Variants in LIPE observed in about 807,000 individuals in gnomAD.
LIPE encodes the protein hormone-sensitive lipase.
A neutral mutation model predicts 88.5 loss-of-function variants in LIPE; 66 were observed. The observed-to-expected ratio is 0.75, with a 90% CI of 0.61 to 0.91. The LOEUF is 0.91. LIPE is among the 40% of genes least tolerant of loss of function. The probability of loss-of-function intolerance (pLI) is 0.00; values close to 1 mark genes in which losing one functional copy is unlikely to be tolerated. For synonymous variants in LIPE, 570 were observed against 617.5 expected, an observed-to-expected ratio of 0.92 and a Z score of 1.14; for missense variants, 1,346 against 1,434.7, an observed-to-expected ratio of 0.94 and a Z score of 1.00.
intron 1 of LIPE, chr19:42,425,147 A>G (rs771196168): frequency 1.2e-5 from 2 of 171,290 alleles, no homozygotes; most frequent in South Asian, 2.5e-4. Flanking sequence ...GACCTGGTAA[A>G]CTGAGAGACT....
In LIPE at chr19:42,401,761, GC is replaced by G; in HGVS notation, c.*50del. On this transcript the variant is annotated 3_prime_UTR_variant, in exon 10 of 10. Coordinates refer to ENST00000244289, the MANE Select transcript of LIPE (RefSeq NM_005357.4). ...CACAGCCCGCGTCCCCTTCCGCCCGGCCCGGAAGGCATTCATGACGGAGGCC... is the reference window on the plus strand; with the variant it reads ...CACAGCCCGCGTCCCCTTCCGCCCGGCCGGAAGGCATTCATGACGGAGGCC... 8.9e-7 allele frequency: 1 copy of G among 1,127,080 alleles called. No individual in the cohort carries two copies. 69.8% of individuals were successfully genotyped at this position (1,127,080 alleles called of 1,614,324 possible). A position where few individuals can be genotyped will look rare whatever the true frequency, so the allele number is the denominator to read the frequency against.
rs781226461 is a variant in LIPE at position 42,408,125 on chromosome 19, G to A, written c.1511-4C>T. The A allele has an allele frequency of 1.9e-6, 3 of 1,613,850 alleles. No homozygotes were observed. Among genetic ancestry groups the A allele is most frequent in the Admixed American group, 3.3e-5 (2 of 60,004 alleles). On this transcript the variant is annotated splice_polypyrimidine_tract_variant and splice_region_variant and intron_variant, in intron 3 of 9. Transcript: ENST00000244289. This position sits in a 1 kb window ranked among gnomAD's most constrained non-coding sequence, Gnocchi z 4.3. ...AAGAGAGAGCTGGCGGCCACACCTA[G>A]GGGTCAGAAGGGGTGTCAGGGAGCC...
At chr19:42,413,783 C>T (rs2040433415) in intron 1 of LIPE, among the ~76,000 whole-genome samples, 1 of 152,242 alleles carries the variant, frequency 6.6e-6, no homozygotes, top group Non-Finnish European at 1.5e-5. Context: ...TGTCATCCCC[C>T]AGGTGGCCCT....
At chr19:42,412,831 C>T (rs573245712) in intron 1 of LIPE, among the ~76,000 whole-genome samples, 1 of 152,352 alleles carries the variant, frequency 6.6e-6, no homozygotes, top group Non-Finnish European at 1.5e-5. Flanking sequence ...TAGTCTGGCC[C>T]TGGCACAGCC....
In LIPE at chr19:42,426,342, C is replaced by T; in HGVS notation, c.808G>A (p.Val270Met). 1 of 1,613,936 alleles carries T rather than the reference C, an allele frequency of 6.2e-7. No individual in the cohort carries two copies. Among genetic ancestry groups the T allele is most frequent in the South Asian group, 1.1e-5 (1 of 91,076 alleles). Reference protein sequence around the residue: ...LGFKGKSGYKVMSGYSGTSPH... With the variant: ...LGFKGKSGYKMMSGYSGTSPH... ...GACGTCCCACTGTATCCTGACATCA[C>T]TTTATAACCAGATTTTCCTTTGAAG... The change falls in exon 1 of 10, where the codon GTG becomes ATG. Residue 270 changes from valine (V) to methionine (M), a missense_variant. Transcript: ENST00000244289.
In LIPE at chr19:42,406,387, G is replaced by A. The variant is rs770848628; in HGVS notation, c.2139C>T (p.Gly713=). Residue 713 remains glycine, a splice_region_variant and synonymous_variant, in exon 7 of 10, where the codon GGC becomes GGT. Transcript: ENST00000244289. The surrounding 1 kb of genome is among the most constrained non-coding windows in gnomAD (Gnocchi z 5.7). The part of the protein sequence containing the change: ...CWAIKHCALL[G]STGERICLAG... Reference sequence around the variant, plus strand: ...CAAGGCAGATTCGTTCCCCTGTTGAGCCTGGTTTGGGAGAGGGGTGGTTGG... The same window carrying A: ...CAAGGCAGATTCGTTCCCCTGTTGAACCTGGTTTGGGAGAGGGGTGGTTGG... The A allele has an allele frequency of 1.2e-6, 2 of 1,612,078 alleles. No individual in the cohort carries two copies. The highest frequency in any genetic ancestry group is 1.7e-6 in the Non-Finnish European group (2 of 1,178,236).
Position 42,402,025 on chromosome 19 carries a change from T to G in LIPE, c.3018A>C (p.Arg1006=). 1 of 1,537,490 alleles carries G rather than the reference T, an allele frequency of 6.5e-7. No homozygotes were observed. Among genetic ancestry groups the G allele is most frequent in the African/African-American group, 1.4e-5 (1 of 71,920 alleles). Residue 1006 remains arginine (R), a synonymous_variant, in exon 10 of 10, where the codon CGA becomes CGC. Coordinates refer to ENST00000244289, the MANE Select transcript of LIPE (RefSeq NM_005357.4). The part of the protein sequence containing the change: ...MLDDSVMLAR[R]LRNLGQPVTL... ...TCACCGGCTGGCCCAGGTTGCGCAG[T>G]CGCCGCGCGAGCATGACCGAGTCGT...
At chr19:42,417,432 T>TC (rs1246534346) in intron 1 of LIPE, among the ~76,000 whole-genome samples, 1 of 152,090 alleles carries the variant, frequency 6.6e-6, no homozygotes, top group Non-Finnish European at 1.5e-5. Flanking sequence ...GTTCATTTTT[T>TC]TTTTTCCAGG....
intron 1 of LIPE, chr19:42,411,302 T>C: frequency 1.0e-6 from 1 of 985,142 alleles, no homozygotes; most frequent in Non-Finnish European, 1.2e-6. Context: ...GGTCCTTCTT[T>C]CTTCCTTCCA....
At chr19:42,405,663 C>T in intron 7 of LIPE, 102 bp from the exon 8 acceptor site, 1 of 1,170,462 alleles carries the variant, frequency 8.5e-7, no homozygotes, top group Non-Finnish European at 1.2e-6. Context: ...CCGAGAATAT[C>T]CAATCGCTTC....
rs1435074806 is a variant in LIPE at position 42,410,407 on chromosome 19, AC to A, written c.1318del (p.Val440TyrfsTer123). ...QRLLVTNRPGVLFFEGDEGLT... is the reference protein window; with the variant it reads ...QRLLVTNRPGXLFFEGDEGLT... ...CCCCTCGTCGCCCTCAAAGAAGAGTACCCCCGGCCGATTGGTAACCAGCAGG... is the reference window on the plus strand; with the variant it reads ...CCCCTCGTCGCCCTCAAAGAAGAGTACCCCGGCCGATTGGTAACCAGCAGG... On this transcript the variant is annotated frameshift_variant, in exon 2 of 10. Coordinates refer to ENST00000244289, the MANE Select transcript of LIPE (RefSeq NM_005357.4). LOFTEE classifies it high-confidence loss of function. The surrounding 1 kb of genome is among the most constrained non-coding windows in gnomAD (Gnocchi z 6.1). 5.0e-6 allele frequency: 8 copies of A among 1,613,986 alleles called. No individual in the cohort carries two copies. The highest frequency in any genetic ancestry group is 6.8e-6 in the Non-Finnish European group (8 of 1,180,030).
Position 42,410,728 on chromosome 19 carries a change from C to T in LIPE, c.998G>A (p.Arg333Gln), listed in dbSNP as rs112497256. The change falls in exon 2 of 10, where the codon CGG becomes CAG. Residue 333 changes from arginine to glutamine, a missense_variant. Coordinates refer to ENST00000244289, the MANE Select transcript of LIPE (RefSeq NM_005357.4). The surrounding 1 kb of genome is among the most constrained non-coding windows in gnomAD (Gnocchi z 6.1). ...SSQGPGETAQ[R>Q]LSGVFAGVRE... ...TACACCGGCAAAAACGCCTGACAGC[C>T]GCTGGGCCGTTTCCCCAGGACCCTG... 1,343 of 1,613,916 alleles carry T rather than the reference C, an allele frequency of 8.3e-4. 6 individuals carry two copies. The highest frequency in any genetic ancestry group is 4.2e-3 in the South Asian group (383 of 91,066).
rs546540439 is a variant in LIPE, at chr19:42,410,979, G to A, written c.884-137C>T. ...TCTTCTTTCAGTTCCAGGGGCCCAG[G>A]ACCCCAGGTTCCTCCTCCCTTAGAC... is the stretch of plus-strand genomic sequence containing the variant. On this transcript the variant is annotated intron_variant, in intron 1 of 9. Transcript: ENST00000244289. The surrounding 1 kb of genome is among the most constrained non-coding windows in gnomAD (Gnocchi z 6.1). The A allele has an allele frequency of 3.4e-6, 3 of 877,368 alleles. 1 individual carries two copies. The South Asian group carries it at 6.2e-5, about 18-fold the overall frequency. The allele number at this position is 877,368 out of a possible 1,614,324, so 54.3% of individuals were successfully genotyped here.
In LIPE at chr19:42,407,551, G is replaced by C; in HGVS notation, c.1842+55C>G. On this transcript the variant is annotated intron_variant, in intron 5 of 9. Coordinates refer to ENST00000244289, the MANE Select transcript of LIPE (RefSeq NM_005357.4). The surrounding 1 kb of genome is among the most constrained non-coding windows in gnomAD (Gnocchi z 5.8). ...CCCTCCATGGGGATGCCAAGGTGGG[G>C]GCTGCCCACGCTCCTCGGCTCTGTC... 6.3e-7 allele frequency: 1 copy of C among 1,575,654 alleles called. No homozygotes were observed. The highest frequency in any genetic ancestry group is 8.6e-7 in the Non-Finnish European group (1 of 1,157,562).
At chr19:42,405,296 T>A in intron 8 of LIPE, 89 bp downstream of exon 8, 1 of 1,367,396 alleles carries the variant, frequency 7.3e-7, no homozygotes. Flanking sequence ...TGAACCACCA[T>A]GCCCAGCATC....
intron 1 of LIPE, among the ~76,000 whole-genome samples, chr19:42,425,764 C>T (rs1012050286): frequency 5.3e-5 from 8 of 152,174 alleles, no homozygotes; most frequent in Non-Finnish European, 8.8e-5. Flanking sequence ...GAGCCATGAT[C>T]ATACCAGTGC....
At chr19:42,416,674 C>A (rs973933642) in intron 1 of LIPE, among the ~76,000 whole-genome samples, 1 of 152,164 alleles carries the variant, frequency 6.6e-6, no homozygotes, top group Admixed American at 6.5e-5. Flanking sequence ...TCTGCCTATG[C>A]TCTTAAATGG....
At chr19:42,424,095 G>C in intron 1 of LIPE, 3 of 1,189,502 alleles carry the variant, frequency 2.5e-6, no homozygotes, top group South Asian at 1.5e-5. Flanking sequence ...GCCGTTGGAG[G>C]AGGGAGCCCC....
In LIPE at chr19:42,407,975, C is replaced by T. The variant is rs112774577; in HGVS notation, c.1656+1G>A. On this transcript the variant is annotated splice_donor_variant, in intron 4 of 9. Transcript: ENST00000244289. LOFTEE classifies it high-confidence loss of function. The surrounding 1 kb of genome is among the most constrained non-coding windows in gnomAD (Gnocchi z 5.8). The stretch of plus-strand genomic sequence containing the variant: ...TGTCCCCATCTGCAACAGGCCCTCA[C>T]CGATAGCACTTCCATCTCGGTGATG... The T allele has an allele frequency of 6.2e-7, 1 of 1,612,378 alleles. No homozygotes were observed. Among genetic ancestry groups the T allele is most frequent in the African/African-American group, 1.3e-5 (1 of 74,998 alleles).
Sources: gnomAD v4.1 joint callset for allele counts (sites outside exome capture counted in the v4.1 genomes callset) on GRCh38, gnomAD v4.1.1 for gene constraint, Gnocchi (gnomAD v3.1) non-coding constraint, MANE v1.5 for transcripts, NCBI Gene and HGNC (gene_info 2026-07-23, HGNC 2026-07-21) for gene names.